TENM2: variants seen among roughly 807,000 people sequenced by gnomAD.
The protein encoded by TENM2 is teneurin transmembrane protein 2, also known as teneurin-2.
In TENM2, 52 loss-of-function variants were observed where a neutral mutation model predicts 245.2. The observed-to-expected ratio is 0.21, with a 90% confidence interval of 0.17 to 0.27. The LOEUF (loss-of-function observed/expected upper bound fraction) is 0.27, where lower values mean the gene tolerates loss of function less well. Among genes scored for constraint, TENM2 ranks in the 10% least tolerant of loss-of-function variants. The probability of loss-of-function intolerance (pLI) is 1.00; values close to 1 mark genes in which losing one functional copy is unlikely to be tolerated. For missense variants in TENM2, 3,046 were observed against 3,666.8 expected (o/e 0.83, Z 4.37); for synonymous variants, 1,363 against 1,438.9 (o/e 0.95, Z 1.19).
intron 6 of TENM2, among the ~76,000 whole-genome samples, chr5:168,051,891 T>C (rs541392041): frequency 6.6e-6 from 1 of 152,326 alleles, no homozygotes; most frequent in South Asian, 2.1e-4. Context: ...ACTGATGTCA[T>C]CTTTACATCT....
At chr5:168,089,763 T>C (rs1027337582) in intron 7 of TENM2, among the ~76,000 whole-genome samples, 4 of 152,162 alleles carry the variant, frequency 2.6e-5, no homozygotes, top group Admixed American at 6.5e-5. Flanking sequence ...AACACCAAGA[T>C]AGGTACCAAA....
chr5:168,090,218 CCACACA>C (rs3083413), intron 7 of TENM2, among the ~76,000 whole-genome samples: 2,009 of 136,754 alleles, frequency 0.015, 22 homozygotes, highest in South Asian at 0.067. Flanking sequence ...ACTCCCCCCA[CCACACA>C]CACACACACA....
At chr5:168,002,739 A>G (rs1784505960) in intron 5 of TENM2, among the ~76,000 whole-genome samples, 1 of 152,228 alleles carries the variant, frequency 6.6e-6, no homozygotes, top group Non-Finnish European at 1.5e-5. Context: ...TACTCTGTAC[A>G]TTAATTTTAT....
chr5:168,138,739 A>T (rs1457578942), intron 12 of TENM2, among the ~76,000 whole-genome samples: 1 of 152,240 alleles, frequency 6.6e-6, no homozygotes, highest in East Asian at 1.9e-4. Flanking sequence ...CACATCATCC[A>T]TGGTAACATG....
the TENM2 span, among the ~76,000 whole-genome samples, chr5:167,277,706 G>GT: frequency 2.0e-5 from 3 of 152,044 alleles, no homozygotes; most frequent in Admixed American, 2.0e-4. Context: ...GAAGACCTGG[G>GT]TGTTGAAAAC....
At chr5:166,999,023 TTATAA>T in the TENM2 span, among the ~76,000 whole-genome samples, 49 of 150,032 alleles carry the variant, frequency 3.3e-4, no homozygotes, top group African/African-American at 1.1e-3. Context: ...ATTATATTTA[TTATAA>T]TATATTTTAT....
intron 2 of TENM2, among the ~76,000 whole-genome samples, chr5:167,539,801 A>G (rs1215701882): frequency 6.6e-6 from 1 of 152,196 alleles, no homozygotes; most frequent in East Asian, 1.9e-4. Context: ...AGCGGCTGGT[A>G]TCATGTGATC....
At chr5:167,663,682 C>T (rs1755389189) in intron 2 of TENM2, among the ~76,000 whole-genome samples, 1 of 152,034 alleles carries the variant, frequency 6.6e-6, no homozygotes, top group African/African-American at 2.4e-5. Flanking sequence ...TTTTCATTTT[C>T]TATTCCATTT....
chr5:167,181,026 G>C, the TENM2 span, among the ~76,000 whole-genome samples: 1 of 151,878 alleles, frequency 6.6e-6, no homozygotes, highest in Non-Finnish European at 1.5e-5. Context: ...ATTGTTCAAG[G>C]GTCAACTGTA....
intron 1 of TENM2, among the ~76,000 whole-genome samples, chr5:167,322,358 A>T (rs1354835886): frequency 6.6e-6 from 1 of 151,942 alleles, no homozygotes; most frequent in African/African-American, 2.4e-5. Context: ...AGCCACCCAT[A>T]CCGTGGAGAG....
At chr5:167,130,877 A>C in the TENM2 span, among the ~76,000 whole-genome samples, 38 of 143,916 alleles carry the variant, frequency 2.6e-4, no homozygotes, top group Admixed American at 5.5e-4. Flanking sequence ...CTTTGCAGCC[A>C]GTGTTAAATG....
chr5:167,204,652 T>C, the TENM2 span, among the ~76,000 whole-genome samples: 1,036 of 152,264 alleles, frequency 6.8e-3, 14 homozygotes, highest in African/African-American at 0.024. Flanking sequence ...GGAAATCTTA[T>C]GACCTTCTTG....
At chr5:167,433,109 A>C (rs1237107662) in intron 2 of TENM2, among the ~76,000 whole-genome samples, 2 of 144,006 alleles carry the variant, frequency 1.4e-5, no homozygotes, top group Non-Finnish European at 3.0e-5. Flanking sequence ...TTTGGTAATA[A>C]ATATTGAATT....
At chr5:167,439,403 C>A (rs1427241549) in intron 2 of TENM2, among the ~76,000 whole-genome samples, 2 of 152,110 alleles carry the variant, frequency 1.3e-5, no homozygotes, top group Non-Finnish European at 2.9e-5. Context: ...TTAAGGGCAC[C>A]AAATTCAGTG....
chr5:167,536,843 C>T (rs1247379110), intron 2 of TENM2, among the ~76,000 whole-genome samples: 5 of 151,976 alleles, frequency 3.3e-5, no homozygotes, highest in South Asian at 4.1e-4. Flanking sequence ...CATGGTGAAG[C>T]CCTGTCTCTA....
At chr5:167,954,485 A>G (rs918743255) in intron 4 of TENM2, among the ~76,000 whole-genome samples, 5 of 152,216 alleles carry the variant, frequency 3.3e-5, no homozygotes, top group African/African-American at 1.2e-4. Flanking sequence ...AATTTATTAT[A>G]GTTTAAGTTC....
chr5:167,405,279 CAAAA>C (rs1665651805), intron 2 of TENM2, among the ~76,000 whole-genome samples: 1 of 151,656 alleles, frequency 6.6e-6, no homozygotes, highest in Non-Finnish European at 1.5e-5. Context: ...TAGCATGGTG[CAAAA>C]TAGGCCTTGA....
intron 9 of TENM2, among the ~76,000 whole-genome samples, chr5:168,112,539 A>T (rs570093995): frequency 7.4e-6 from 1 of 135,668 alleles, no homozygotes; most frequent in Admixed American, 8.5e-5. Flanking sequence ...CCTGCAAAGG[A>T]CATGATCCCA....
chr5:166,983,147 T>C, the TENM2 span, among the ~76,000 whole-genome samples: 1 of 152,102 alleles, frequency 6.6e-6, no homozygotes, highest in East Asian at 1.9e-4. Flanking sequence ...AATAAGAGGA[T>C]AATATATCAG....
Sources: allele counts gnomAD v4.1 joint callset (sites outside exome capture counted in the v4.1 genomes callset), GRCh38; gene constraint gnomAD v4.1.1; transcripts MANE v1.5; gene names NCBI Gene and HGNC (gene_info 2026-07-23, HGNC 2026-07-21).